OLFML1: variants seen among roughly 807,000 people sequenced by gnomAD.
The protein encoded by OLFML1 is olfactomedin-like protein 1.
A neutral mutation model predicts 37.3 loss-of-function variants in OLFML1; 33 were observed. The ratio of observed to expected loss-of-function variants is 0.88; its 90% CI spans 0.67 to 1.18. The LOEUF (loss-of-function observed/expected upper bound fraction) is 1.18, where lower values mean the gene tolerates loss of function less well. Ranked by LOEUF, OLFML1 falls within the 50% of genes most tolerant of loss-of-function variation. The pLI, the probability that OLFML1 is intolerant of heterozygous loss-of-function variation, is 0.00. For synonymous variants in OLFML1, 186 were observed against 181.3 expected (o/e 1.03, Z -0.21); for missense variants, 545 against 483.7 (o/e 1.13, Z -1.19).
intron 2 of OLFML1, among the ~76,000 whole-genome samples, chr11:7,508,259 T>C (rs761170374): frequency 3.9e-5 from 6 of 152,210 alleles, no homozygotes; most frequent in East Asian, 1.9e-4. Context: ...CACATTTTAA[T>C]AAGACCGGCA....
At chr11:7,488,515 A>G in intron 2 of OLFML1, 100 bp downstream of exon 2, 1 of 956,322 alleles carries the variant, frequency 1.0e-6, no homozygotes, top group Non-Finnish European at 1.5e-6. Context: ...TAATGAGAGT[A>G]AGAATTGGAG....
intron 2 of OLFML1, among the ~76,000 whole-genome samples, chr11:7,491,877 T>C (rs553361035): frequency 1.4e-5 from 2 of 148,104 alleles, no homozygotes; most frequent in Non-Finnish European, 3.0e-5. Flanking sequence ...TGGAGAGTGC[T>C]TCTCTTTAGG....
At chr11:7,505,983 G>A in intron 2 of OLFML1, among the ~76,000 whole-genome samples, 1 of 152,084 alleles carries the variant, frequency 6.6e-6, no homozygotes, top group East Asian at 1.9e-4. Context: ...GGACACAAAA[G>A]GTCTATTTGA....
chr11:7,495,551 G>A (rs948725923), intron 2 of OLFML1, among the ~76,000 whole-genome samples: 1 of 152,012 alleles, frequency 6.6e-6, no homozygotes, highest in Non-Finnish European at 1.5e-5. Context: ...ATCTCGTGCC[G>A]CTGCTGCCTA....
intron 2 of OLFML1, among the ~76,000 whole-genome samples, chr11:7,490,404 G>A (rs983512756): frequency 2.0e-5 from 3 of 152,116 alleles, no homozygotes; most frequent in Non-Finnish European, 2.9e-5. Context: ...GAATGTGTCC[G>A]AACTCTCACA....
At chr11:7,509,370 ATC>A (rs1448251684) in intron 2 of OLFML1, 26 bp from the exon 3 acceptor site, 1 of 1,544,012 alleles carries the variant, frequency 6.5e-7, no homozygotes, top group Admixed American at 1.9e-5. Context: ...TTATAAAGTA[ATC>A]TCTCCTTTTT....
In OLFML1 at chr11:7,507,552, C is replaced by CT. The variant is rs35968823; in HGVS notation, c.419-1831dup. On this transcript the variant is annotated intron_variant, in intron 2 of 2. Coordinates refer to ENST00000329293, the MANE Select transcript of OLFML1 (RefSeq NM_198474.4). ...TTGTGCGTTGAAAATTTATGTGTAA[C>CT]TTTTTTTTTTTTTTTGAGATGGAGT... Among the ~76,000 whole-genome samples, 361 of 144,954 alleles carry CT rather than the reference C, an allele frequency of 2.5e-3. 1 individual carries two copies. The highest frequency in any genetic ancestry group is 0.014 in the East Asian group (70 of 4,974).
intron 2 of OLFML1, among the ~76,000 whole-genome samples, chr11:7,495,695 C>T (rs542285839): frequency 1.4e-4 from 22 of 152,184 alleles, no homozygotes; most frequent in African/African-American, 4.3e-4. Flanking sequence ...CTGAAGGAAT[C>T]GTTTATTTGA....
In OLFML1 at chr11:7,488,267, G is replaced by C. The variant is rs1432465148; in HGVS notation, c.270G>C (p.Leu90=). ...EYKSAVGNLA[L]RVERAQREID... ...AGAGTGCAGTGGGTAACTTGGCACT[G>C]AGAGTTGAACGTGCCCAACGGGAGA... Residue 90 remains leucine (L), a synonymous_variant, in exon 2 of 3, where the codon CTG becomes CTC. Transcript: ENST00000329293. The C allele has an allele frequency of 6.2e-7, 1 of 1,614,126 alleles. No individual in the cohort carries two copies. Among genetic ancestry groups the C allele is most frequent in the Non-Finnish European group, 8.5e-7 (1 of 1,180,008 alleles).
At chr11:7,487,768 G>C (rs1843823726) in intron 1 of OLFML1, among the ~76,000 whole-genome samples, 1 of 152,058 alleles carries the variant, frequency 6.6e-6, no homozygotes, top group Non-Finnish European at 1.5e-5. Flanking sequence ...TAAATAATGG[G>C]ATATCAATTA....
chr11:7,492,550 G>A (rs1848611443), intron 2 of OLFML1, among the ~76,000 whole-genome samples: 1 of 152,106 alleles, frequency 6.6e-6, no homozygotes, highest in South Asian at 2.1e-4. Flanking sequence ...ACTACTAAGG[G>A]CCAAGTACTG....
intron 2 of OLFML1, among the ~76,000 whole-genome samples, chr11:7,491,450 G>C (rs1198078485): frequency 7.3e-6 from 1 of 136,842 alleles, no homozygotes; most frequent in African/African-American, 3.0e-5. Flanking sequence ...AACAATGGCA[G>C]AGGCCCCTGC....
intron 2 of OLFML1, among the ~76,000 whole-genome samples, chr11:7,500,123 G>A (rs1258760191): frequency 6.6e-6 from 1 of 152,140 alleles, no homozygotes; most frequent in Admixed American, 6.5e-5. Flanking sequence ...GAACTCCTGG[G>A]CTCAAGGGAT....
Position 7,486,015 on chromosome 11 carries a change from T to C in OLFML1, c.129+11T>C, listed in dbSNP as rs1201514682. The C allele has an allele frequency of 2.5e-6, 4 of 1,613,262 alleles. No homozygotes were observed. The highest frequency in any genetic ancestry group is 3.4e-6 in the Non-Finnish European group (4 of 1,179,312). On this transcript the variant is annotated intron_variant, in intron 1 of 2. Transcript: ENST00000329293. ...TTTCGAGTCTTGGAGGTAGGTGGCA[T>C]CTGTACACCTTGGATAAGTAACAGG...
intron 2 of OLFML1, chr11:7,504,930 A>ATTT (rs10642636): frequency 1.6e-3 from 217 of 139,950 alleles, no homozygotes; most frequent in Middle Eastern, 7.6e-3. Flanking sequence ...CACATCCAGC[A>ATTT]TTTTTTTTTT....
chr11:7,495,811 T>C (rs1479527891), intron 2 of OLFML1, among the ~76,000 whole-genome samples: 1 of 152,146 alleles, frequency 6.6e-6, no homozygotes, highest in Non-Finnish European at 1.5e-5. Flanking sequence ...TTACAGCTCC[T>C]TTTCAGATGA....
At position 7,509,379 on chromosome 11, in the gene OLFML1, T is replaced by A; in HGVS notation, c.419-19T>A. ...TCATGTTTATAAAGTAATCTCTCCT[T>A]TTTCTCCTGTTTGGCCAGGCTGTGA... On this transcript the variant is annotated intron_variant, in intron 2 of 2. Coordinates refer to ENST00000329293, the MANE Select transcript of OLFML1 (RefSeq NM_198474.4). The A allele has an allele frequency of 6.4e-7, 1 of 1,568,560 alleles. No individual in the cohort carries two copies. Among genetic ancestry groups the A allele is most frequent in the South Asian group, 1.2e-5 (1 of 82,486 alleles).
At chr11:7,498,943 C>T (rs1009367564) in intron 2 of OLFML1, among the ~76,000 whole-genome samples, 3 of 152,170 alleles carry the variant, frequency 2.0e-5, no homozygotes, top group African/African-American at 7.2e-5. Flanking sequence ...CTTACAAACT[C>T]ATTACCTGGT....
At chr11:7,504,741 A>G (rs1590062991) in intron 2 of OLFML1, 1 of 152,126 alleles carries the variant, frequency 6.6e-6, no homozygotes, top group East Asian at 1.9e-4. Flanking sequence ...CATATAGCAA[A>G]CAGTTTGCTA....
Sources: allele counts gnomAD v4.1 joint callset (sites outside exome capture counted in the v4.1 genomes callset), GRCh38; gene constraint gnomAD v4.1.1; transcripts MANE v1.5; gene names NCBI Gene and HGNC (gene_info 2026-07-23, HGNC 2026-07-21).